The following CDH18 variants were observed in gnomAD, a reference collection of about 807,000 sequenced individuals.
The protein encoded by CDH18 is cadherin 18.
CDH18 carries 31 observed loss-of-function variants against 67.9 expected under a neutral mutation model. The ratio of observed to expected loss-of-function variants is 0.46; its 90% CI spans 0.34 to 0.62. The LOEUF (loss-of-function observed/expected upper bound fraction) is 0.62, where lower values mean the gene tolerates loss of function less well. Among genes scored for constraint, CDH18 ranks in the 20% least tolerant of loss-of-function variants. The probability of loss-of-function intolerance (pLI) is 0.01; values close to 1 mark genes in which losing one functional copy is unlikely to be tolerated. For synonymous variants in CDH18, 362 were observed against 347.2 expected (o/e 1.04, Z -0.48); for missense variants, 890 against 975.5 (o/e 0.91, Z 1.17).
At chr5:20,463,844 T>C (rs960456554) in intron 1 of CDH18, among the ~76,000 whole-genome samples, 2 of 152,152 alleles carry the variant, frequency 1.3e-5, no homozygotes, top group African/African-American at 4.8e-5. Context: ...CTCTCTCTTT[T>C]GGATAGTGAA....
rs148922712 is a variant in CDH18, at chr5:20,499,532, T to A, written c.-580+75930A>T. Among the ~76,000 whole-genome samples the A allele has an allele frequency of 3.3e-5, 5 of 152,244 alleles. No individual in the cohort carries two copies. The East Asian group carries it at 9.7e-4, about 29-fold the overall frequency. ...CTCACAATTCCAACTAATCCAAAAT[T>A]ATTGTTTTAACATCTCCTCAATCCC... On this transcript the variant is annotated intron_variant, in intron 1 of 14. Transcript: ENST00000507958.
intron 2 of CDH18, among the ~76,000 whole-genome samples, chr5:20,009,293 T>A (rs192976080): frequency 7.9e-5 from 12 of 152,252 alleles, no homozygotes; most frequent in African/African-American, 2.9e-4. Context: ...ATCTCATGTA[T>A]CATTATAACA....
At position 19,774,808 on chromosome 5, in the gene CDH18, C is replaced by CAAAAAAAAAAAAAAAAAAAAA. The variant is rs59248561; in HGVS notation, c.229-27593_229-27573dup. Among the ~76,000 whole-genome samples the CAAAAAAAAAAAAAAAAAAAAA allele has an allele frequency of 2.0e-4, 7 of 35,414 alleles. 1 individual carries two copies. The highest frequency in any genetic ancestry group is 2.6e-4 in the Non-Finnish European group (5 of 19,264). The allele number at this position is 35,414 out of a possible 152,430, so 23.2% of individuals were successfully genotyped here. On this transcript the variant is annotated intron_variant, in intron 3 of 12. Transcript: ENST00000382275. The stretch of plus-strand genomic sequence containing the variant: ...TGAGTGACAGAGCAAGACTCTGTCT[C>CAAAAAAAAAAAAAAAAAAAAA]AAAAAAAAAAAAAAAAAAAAAAAAA...
intron 4 of CDH18, among the ~76,000 whole-genome samples, chr5:19,744,806 C>T (rs1297068329): frequency 6.6e-6 from 1 of 152,108 alleles, no homozygotes; most frequent in Non-Finnish European, 1.5e-5. Flanking sequence ...GTGAGGGTAA[C>T]ATATTCATTT....
chr5:19,759,879 G>A (rs1772112855), intron 3 of CDH18, among the ~76,000 whole-genome samples: 1 of 151,966 alleles, frequency 6.6e-6, no homozygotes. Flanking sequence ...CTGTAAACTG[G>A]CTCAAGTCTG....
chr5:19,545,515 T>C (rs1043270544), intron 8 of CDH18, among the ~76,000 whole-genome samples: 5 of 152,206 alleles, frequency 3.3e-5, no homozygotes, highest in African/African-American at 1.2e-4. Flanking sequence ...ATAAAAAAAA[T>C]TATTTGTCAA....
At chr5:19,636,002 G>A (rs1254137433) in intron 5 of CDH18, among the ~76,000 whole-genome samples, 2 of 152,042 alleles carry the variant, frequency 1.3e-5, no homozygotes, top group Admixed American at 6.6e-5. Context: ...GTAAAGTGCC[G>A]ATGAATTGTG....
chr5:19,729,964 A>G (rs140766480), intron 4 of CDH18, among the ~76,000 whole-genome samples: 30 of 151,776 alleles, frequency 2.0e-4, no homozygotes, highest in African/African-American at 6.8e-4. Context: ...GAATAAGTCA[A>G]TCTCTCTGTC....
At chr5:19,750,102 A>G (rs1770637879) in intron 3 of CDH18, among the ~76,000 whole-genome samples, 1 of 152,072 alleles carries the variant, frequency 6.6e-6, no homozygotes, top group African/African-American at 2.4e-5. Flanking sequence ...CAGCTTGGTT[A>G]AATCTTGAAA....
chr5:19,610,409 T>C (rs1175403807), intron 6 of CDH18, among the ~76,000 whole-genome samples: 1 of 152,086 alleles, frequency 6.6e-6, no homozygotes, highest in Non-Finnish European at 1.5e-5. Context: ...ATATTCCTTA[T>C]ATCCATCACA....
chr5:20,513,523 T>C (rs1481402462), intron 1 of CDH18, among the ~76,000 whole-genome samples: 1 of 152,108 alleles, frequency 6.6e-6, no homozygotes, highest in Non-Finnish European at 1.5e-5. Context: ...AAACAATGCA[T>C]CACAAACATA....
intron 2 of CDH18, among the ~76,000 whole-genome samples, chr5:20,080,142 T>C (rs1744324082): frequency 2.0e-5 from 3 of 152,210 alleles, no homozygotes; most frequent in South Asian, 4.1e-4. Flanking sequence ...TATCTTATTA[T>C]AGATCATACA....
intron 1 of CDH18, among the ~76,000 whole-genome samples, chr5:20,306,623 A>T (rs1013456148): frequency 1.3e-5 from 2 of 152,212 alleles, no homozygotes; most frequent in African/African-American, 4.8e-5. Flanking sequence ...ATCAAATGTA[A>T]TGTTTGTATT....
chr5:19,921,760 AT>A, intron 2 of CDH18, among the ~76,000 whole-genome samples: 1 of 152,184 alleles, frequency 6.6e-6, no homozygotes, highest in South Asian at 2.1e-4. Context: ...AAATTAGCAT[AT>A]TTTTCACTTG....
At chr5:20,512,947 T>C (rs979871240) in intron 1 of CDH18, among the ~76,000 whole-genome samples, 2 of 151,810 alleles carry the variant, frequency 1.3e-5, no homozygotes, top group African/African-American at 4.8e-5. Flanking sequence ...TTGGCCTAGA[T>C]GGTTTCTACA....
In CDH18 at chr5:19,553,142, A is replaced by C. The variant is rs1291800142; in HGVS notation, c.1254-9137T>G. Among the ~76,000 whole-genome samples the C allele has an allele frequency of 3.9e-5, 6 of 152,300 alleles. No homozygotes were observed. The East Asian group carries it at 9.7e-4, about 25-fold the overall frequency. On this transcript the variant is annotated intron_variant, in intron 8 of 12. Coordinates refer to ENST00000382275, the MANE Select transcript of CDH18 (RefSeq NM_004934.5). ...CTTTAAACAAACCATGCAGGTCATC[A>C]TTTGGAACTCAGCTTCCCTTTGATT...
At chr5:19,802,856 A>T (rs62355767) in intron 3 of CDH18, among the ~76,000 whole-genome samples, 1 of 152,188 alleles carries the variant, frequency 6.6e-6, no homozygotes, top group African/African-American at 2.4e-5. Context: ...ACAAAGAAGT[A>T]GCAGCAATAA....
In CDH18 at chr5:20,460,398, CATAAATAAATAAATAA is replaced by C. The variant is rs71688150; in HGVS notation, c.-580+115048_-580+115063del. 1.1e-3 allele frequency among the ~76,000 whole-genome samples: 154 copies of C among 141,272 alleles called. 1 individual carries two copies. Among genetic ancestry groups the C allele is most frequent in the African/African-American group, 2.2e-3 (84 of 38,052 alleles). 92.7% of individuals were successfully genotyped at this position (141,272 alleles called of 152,430 possible). A position where few individuals can be genotyped will look rare whatever the true frequency, so the allele number is the denominator to read the frequency against. On this transcript the variant is annotated intron_variant, in intron 1 of 14. Coordinates refer to the CDH18 transcript ENST00000507958. ...CAGAGCGAGACTCCATCTCTAAATACATAAATAAATAAATAAATAAATAAATAAATAAATAAATAAA... is the reference window on the plus strand; with the variant it reads ...CAGAGCGAGACTCCATCTCTAAATACATAAATAAATAAATAAATAAATAAA...
intron 1 of CDH18, among the ~76,000 whole-genome samples, chr5:20,374,811 A>G (rs1046284792): frequency 8.5e-5 from 13 of 152,178 alleles, no homozygotes; most frequent in African/African-American, 3.1e-4. Flanking sequence ...CCAAAGCAAA[A>G]CTGATGGCAA....
Sources: gnomAD v4.1 joint callset for allele counts (sites outside exome capture counted in the v4.1 genomes callset) on GRCh38, gnomAD v4.1.1 for gene constraint, MANE v1.5 for transcripts, NCBI Gene and HGNC (gene_info 2026-07-23, HGNC 2026-07-21) for gene names.